Variants in SULF2 observed in about 807,000 individuals in gnomAD.
SULF2 encodes extracellular sulfatase Sulf-2.
SULF2 carries 52 observed loss-of-function variants against 107.7 expected under a neutral mutation model. The ratio of observed to expected loss-of-function variants is 0.48; its 90% confidence interval spans 0.39 to 0.61. The LOEUF is 0.61. SULF2 is among the 20% of genes least tolerant of loss of function. SULF2 has a pLI of 0.00. For synonymous variants in SULF2, 460 were observed against 464.3 expected (o/e 0.99, Z 0.12); for missense variants, 993 against 1,177.3 (o/e 0.84, Z 2.29).
At position 47,745,961 on chromosome 20, in the gene SULF2, CT is replaced by C. The variant is rs537921701; in HGVS notation, c.176-9020del. 1.5e-3 allele frequency among the ~76,000 whole-genome samples: 227 copies of C among 152,310 alleles called. 1 individual carries two copies. The highest frequency in any genetic ancestry group is 5.3e-3 in the African/African-American group (219 of 41,574). ...GAAAGGATTTTAAAAATTGAATGGC[CT>C]TTTTCTTTAATTGCGAGATTTCACA... On this transcript the variant is annotated intron_variant, in intron 2 of 20. Transcript: ENST00000688720.
At chr20:47,769,420 A>G (rs1238849969) in intron 1 of SULF2, among the ~76,000 whole-genome samples, 1 of 149,256 alleles carries the variant, frequency 6.7e-6, no homozygotes, top group Non-Finnish European at 1.5e-5. Context: ...CTGGTCTCAA[A>G]CTCCTGACCT....
intron 1 of SULF2, among the ~76,000 whole-genome samples, chr20:47,772,265 TG>T (rs2090644816): frequency 6.6e-6 from 1 of 152,204 alleles, no homozygotes; most frequent in South Asian, 2.1e-4. Context: ...CATTCTTCGA[TG>T]GGGGACTGTG....
At chr20:47,756,574 G>A (rs1298215108) in intron 2 of SULF2, among the ~76,000 whole-genome samples, 1 of 151,932 alleles carries the variant, frequency 6.6e-6, no homozygotes, top group African/African-American at 2.4e-5. Flanking sequence ...CACCCTTCAC[G>A]GGATCAATGA....
At chr20:47,781,399 A>G (rs2090831567) in intron 1 of SULF2, among the ~76,000 whole-genome samples, 1 of 152,214 alleles carries the variant, frequency 6.6e-6, no homozygotes, top group Non-Finnish European at 1.5e-5. Flanking sequence ...GTCAGCCTCC[A>G]TCCAGCTCCA....
rs1436948943 is a variant in SULF2, at chr20:47,677,071, C to A, written c.1250+7G>T. The A allele has an allele frequency of 6.2e-7, 1 of 1,612,662 alleles. No individual in the cohort carries two copies. The highest frequency in any genetic ancestry group is 8.5e-7 in the Non-Finnish European group (1 of 1,179,686). Reference sequence around the variant, plus strand: ...CAGGGGTGTCCCTCCCAGGACCCGGCACTCACCCTCTCTCCACCAAGAAGG... The same window carrying A: ...CAGGGGTGTCCCTCCCAGGACCCGGAACTCACCCTCTCTCCACCAAGAAGG... On this transcript the variant is annotated splice_region_variant and intron_variant, in intron 9 of 20. Coordinates refer to ENST00000688720, the MANE Select transcript of SULF2 (RefSeq NM_001387048.1).
chr20:47,690,174 T>A lies in SULF2; in HGVS notation c.689A>T (p.Asp230Val). Reference protein sequence around the residue: ...ISHAAPHGPEDSAPQYSRLFP... With the variant: ...ISHAAPHGPEVSAPQYSRLFP... ...GAGGCGTGAATATTGTGGGGCTGAA[T>A]CCTCAGGGCCGTGGGGGGCTGCATG... The change falls in exon 5 of 21, where the codon GAT (aspartate) becomes GTT (valine). Residue 230 changes from aspartate (D) to valine (V), a missense_variant. Asp to Val is a radical substitution (Grantham distance 152). This residue lies in a region of SULF2 where 388 missense variants were observed against 449.2 expected (regional missense o/e 0.86). Coordinates refer to ENST00000688720, the MANE Select transcript of SULF2 (RefSeq NM_001387048.1). 1.3e-6 allele frequency: 2 copies of A among 1,554,364 alleles called. No homozygotes were observed. The highest frequency in any genetic ancestry group is 1.7e-6 in the Non-Finnish European group (2 of 1,146,178).
intron 6 of SULF2, 63 bp downstream of exon 6, chr20:47,684,368 C>A: frequency 1.3e-6 from 2 of 1,505,204 alleles, no homozygotes; most frequent in Non-Finnish European, 1.8e-6. Flanking sequence ...CAGGAGGTCT[C>A]GGCCCTGGCC....
intron 4 of SULF2, among the ~76,000 whole-genome samples, chr20:47,693,645 A>C (rs1000859092): frequency 2.1e-4 from 32 of 152,260 alleles, no homozygotes; most frequent in Non-Finnish European, 3.5e-4. Context: ...TCATTTATAA[A>C]AAGTCTAAGG....
chr20:47,693,054 C>T (rs1217626592), intron 4 of SULF2, among the ~76,000 whole-genome samples: 1 of 152,112 alleles, frequency 6.6e-6, no homozygotes, highest in African/African-American at 2.4e-5. Context: ...TTATATATTG[C>T]TCCTTGAATA....
Position 47,677,068 on chromosome 20 carries a change from C to T in SULF2, c.1250+10G>A, listed in dbSNP as rs762940615. ...GGGCAGGGGTGTCCCTCCCAGGACC[C>T]GGCACTCACCCTCTCTCCACCAAGA... On this transcript the variant is annotated intron_variant, in intron 9 of 20. Transcript: ENST00000688720. 8.1e-6 allele frequency: 13 copies of T among 1,613,422 alleles called. No homozygotes were observed. The highest frequency in any genetic ancestry group is 3.3e-5 in the Admixed American group (2 of 59,968).
At chr20:47,753,193 G>C (rs1194724434) in intron 2 of SULF2, among the ~76,000 whole-genome samples, 1 of 152,074 alleles carries the variant, frequency 6.6e-6, no homozygotes, top group Non-Finnish European at 1.5e-5. Flanking sequence ...AATCTGAGGG[G>C]CCTCGAAAAG....
At chr20:47,699,297 T>C (rs2088484748) in intron 4 of SULF2, among the ~76,000 whole-genome samples, 1 of 152,018 alleles carries the variant, frequency 6.6e-6, no homozygotes, top group African/African-American at 2.4e-5. Context: ...AGGCTCTCAA[T>C]GAATACTTGT....
At chr20:47,756,281 G>A (rs1268959274) in intron 2 of SULF2, among the ~76,000 whole-genome samples, 1 of 152,044 alleles carries the variant, frequency 6.6e-6, no homozygotes, top group Non-Finnish European at 1.5e-5. Context: ...ATGCTGCCAG[G>A]AGATAGGTAT....
intron 1 of SULF2, among the ~76,000 whole-genome samples, chr20:47,776,554 C>T (rs1050152902): frequency 2.0e-5 from 3 of 152,130 alleles, no homozygotes; most frequent in Non-Finnish European, 4.4e-5. Context: ...GGGCTGTGAC[C>T]GCTGTTCTTT....
intron 4 of SULF2, among the ~76,000 whole-genome samples, chr20:47,693,150 A>G (rs2088255678): frequency 6.6e-6 from 1 of 152,248 alleles, no homozygotes; most frequent in African/African-American, 2.4e-5. Context: ...TATATGTTAT[A>G]TAAATCAAAG....
chr20:47,711,267 T>C (rs1413053664), intron 3 of SULF2, among the ~76,000 whole-genome samples: 1 of 152,254 alleles, frequency 6.6e-6, no homozygotes, highest in Non-Finnish European at 1.5e-5. Context: ...AAAGCGTCTC[T>C]GCAGTCAGAC....
intron 3 of SULF2, among the ~76,000 whole-genome samples, chr20:47,715,173 T>C (rs1385590173): frequency 6.6e-6 from 1 of 151,240 alleles, no homozygotes; most frequent in African/African-American, 2.4e-5. Flanking sequence ...TCAAGCGATC[T>C]GCCCACCTTG....
chr20:47,661,760 G>T lies in SULF2; in HGVS notation c.2494+13C>A. ...CTGCTGTCCAAGGGCCCCACGTTGGGGTGCCTACTCACCCAGGTCCATGTT... is the reference window on the plus strand; with the variant it reads ...CTGCTGTCCAAGGGCCCCACGTTGGTGTGCCTACTCACCCAGGTCCATGTT... On this transcript the variant is annotated intron_variant, in intron 18 of 20. Transcript: ENST00000688720. The T allele has an allele frequency of 6.6e-7, 1 of 1,522,504 alleles. No individual in the cohort carries two copies. The highest frequency in any genetic ancestry group is 8.9e-7 in the Non-Finnish European group (1 of 1,119,490). 94.3% of individuals were successfully genotyped at this position (1,522,504 alleles called of 1,614,324 possible). A position where few individuals can be genotyped will look rare whatever the true frequency, so the allele number is the denominator to read the frequency against.
At chr20:47,709,216 C>A (rs938031594) in intron 3 of SULF2, among the ~76,000 whole-genome samples, 1 of 152,020 alleles carries the variant, frequency 6.6e-6, no homozygotes, top group Non-Finnish European at 1.5e-5. Flanking sequence ...AGCTTGGATT[C>A]GCTGAGCTTT....
Sources: allele counts gnomAD v4.1 joint callset (sites outside exome capture counted in the v4.1 genomes callset), GRCh38; gene constraint gnomAD v4.1.1; regional missense constraint gnomAD v4.1.1; transcripts MANE v1.5; gene names NCBI Gene and HGNC (gene_info 2026-07-23, HGNC 2026-07-21).